Variants in ANK2 observed in about 807,000 individuals in gnomAD.
ANK2 encodes the protein ankyrin 2.
Under a neutral mutation model 360.5 loss-of-function variants are expected in ANK2, and 83 were observed. The observed-to-expected ratio is 0.23, with a 90% CI of 0.19 to 0.28. The LOEUF is 0.28. Among genes scored for constraint, ANK2 ranks in the 10% least tolerant of loss-of-function variants. ANK2 has a pLI of 1.00. For missense variants in ANK2, 4,201 were observed against 4,795.7 expected, an observed-to-expected ratio of 0.88 and a Z score of 3.66; for synonymous variants, 1,740 against 1,759.5, an observed-to-expected ratio of 0.99 and a Z score of 0.28.
intron 21 of ANK2, chr4:113,293,226 G>A (rs1439111259): frequency 4.4e-6 from 3 of 680,752 alleles, no homozygotes; most frequent in Non-Finnish European, 8.1e-6. Context: ...GCAAGCAGAT[G>A]CAAGCTTGTT....
At chr4:113,075,513 C>T (rs1200641405) in intron 1 of ANK2, among the ~76,000 whole-genome samples, 1 of 152,142 alleles carries the variant, frequency 6.6e-6, no homozygotes, top group Non-Finnish European at 1.5e-5. Flanking sequence ...TCCTGTGCCT[C>T]TGCCATCTCA....
the ANK2 span, among the ~76,000 whole-genome samples, chr4:112,808,466 A>G: frequency 6.6e-6 from 1 of 152,254 alleles, no homozygotes; most frequent in African/African-American, 2.4e-5. Context: ...TAAAGAAAGC[A>G]AATTATGATA....
Position 113,293,463 on chromosome 4 carries a change from T to C in ANK2, c.2400T>C (p.Ile800=). 6.2e-7 allele frequency: 1 copy of C among 1,613,820 alleles called. No homozygotes were observed. Among genetic ancestry groups the C allele is most frequent in the Non-Finnish European group, 8.5e-7 (1 of 1,180,004 alleles). ...TTANGNTALA[I]AKRLGYISVV... ...AGAATGGCAACACTGCCTTGGCGAT[T>C]GCTAAGCGTCTGGGCTACATCTCCG... The change falls in exon 22 of 46, where the codon ATT becomes ATC. Residue 800 remains isoleucine, a synonymous_variant. Coordinates refer to ENST00000357077, the MANE Select transcript of ANK2 (RefSeq NM_001148.6).
At chr4:112,832,283 C>T (rs959282527) in intron 1 of ANK2, among the ~76,000 whole-genome samples, 11 of 152,184 alleles carry the variant, frequency 7.2e-5, no homozygotes, top group Admixed American at 2.0e-4. Flanking sequence ...TAAATCCTGG[C>T]CTCAAGTGAT....
At chr4:112,751,331 T>C in the ANK2 span, among the ~76,000 whole-genome samples, 25 of 152,144 alleles carry the variant, frequency 1.6e-4, no homozygotes, top group Non-Finnish European at 3.5e-4. Flanking sequence ...TAAAATATAG[T>C]AGCACAGTTA....
At chr4:112,819,419 T>A (rs982359672) in intron 1 of ANK2, among the ~76,000 whole-genome samples, 4 of 152,214 alleles carry the variant, frequency 2.6e-5, no homozygotes, top group African/African-American at 9.7e-5. Flanking sequence ...CCAGAGACTT[T>A]GGGGCCAAAC....
chr4:113,214,654 A>G (rs907513975), intron 4 of ANK2, among the ~76,000 whole-genome samples: 3 of 152,152 alleles, frequency 2.0e-5, no homozygotes, highest in Non-Finnish European at 4.4e-5. Context: ...TAAGAGTATT[A>G]AGCAGCAAGT....
chr4:113,143,179 G>A (rs530847807), intron 1 of ANK2, among the ~76,000 whole-genome samples: 4 of 152,288 alleles, frequency 2.6e-5, no homozygotes, highest in African/African-American at 9.6e-5. Context: ...CTTGTAAAGA[G>A]CGAGAGCTGA....
chr4:113,012,411 G>GATA (rs2055066929), intron 2 of ANK2, among the ~76,000 whole-genome samples: 1 of 152,132 alleles, frequency 6.6e-6, no homozygotes, highest in Non-Finnish European at 1.5e-5. Context: ...GAATGCGATA[G>GATA]GTCTTTCCTT....
At chr4:112,825,939 C>T (rs931268240) in intron 1 of ANK2, among the ~76,000 whole-genome samples, 2 of 152,144 alleles carry the variant, frequency 1.3e-5, no homozygotes, top group African/African-American at 4.8e-5. Flanking sequence ...GGCACCTCTC[C>T]ATGAGAGCCT....
At position 113,269,951 on chromosome 4, in the gene ANK2, T is replaced by C. The variant is rs534445636; in HGVS notation, c.1486-4501T>C. Among the ~76,000 whole-genome samples the C allele has an allele frequency of 1.3e-3, 198 of 152,356 alleles. 1 individual carries two copies. The highest frequency in any genetic ancestry group is 4.6e-3 in the African/African-American group (191 of 41,586). The stretch of plus-strand genomic sequence containing the variant: ...GGTTTTCATCTGCCTTTCTGTGCAT[T>C]GTCCACATAGTGTAATTTATGTTCT... On this transcript the variant is annotated intron_variant, in intron 14 of 45. Transcript: ENST00000357077.
At chr4:112,967,034 G>A (rs2037558497) in intron 2 of ANK2, among the ~76,000 whole-genome samples, 1 of 152,114 alleles carries the variant, frequency 6.6e-6, no homozygotes. Flanking sequence ...CAGAGTAGTA[G>A]GAGAAAATAT....
At chr4:113,006,450 G>A (rs72894494) in intron 2 of ANK2, among the ~76,000 whole-genome samples, 1,862 of 152,248 alleles carry the variant, frequency 0.012, 35 homozygotes, top group African/African-American at 0.042. Flanking sequence ...ACAAGAGCAG[G>A]ACAAGTTTAA....
chr4:112,740,169 G>A, the ANK2 span, among the ~76,000 whole-genome samples: 5 of 151,910 alleles, frequency 3.3e-5, 1 homozygote, highest in South Asian at 1.0e-3. Context: ...AAGAGGAAAA[G>A]CAGAGGAAAA....
intron 1 of ANK2, among the ~76,000 whole-genome samples, chr4:112,889,790 C>A (rs73840923): frequency 6.6e-6 from 1 of 151,994 alleles, no homozygotes; most frequent in Non-Finnish European, 1.5e-5. Context: ...TAGGGAGTTG[C>A]GTGAGTTATG....
intron 2 of ANK2, among the ~76,000 whole-genome samples, chr4:112,977,533 T>A (rs1187393309): frequency 6.6e-6 from 1 of 151,558 alleles, no homozygotes; most frequent in Non-Finnish European, 1.5e-5. Context: ...TAACCATGAA[T>A]AAATAAATTA....
intron 2 of ANK2, among the ~76,000 whole-genome samples, chr4:112,920,048 A>G (rs2091050952): frequency 6.6e-6 from 1 of 152,114 alleles, no homozygotes; most frequent in Non-Finnish European, 1.5e-5. Flanking sequence ...ATTTGGTCCA[A>G]TGATATTATT....
At chr4:113,056,346 C>G (rs549961756) in intron 1 of ANK2, among the ~76,000 whole-genome samples, 1 of 152,218 alleles carries the variant, frequency 6.6e-6, no homozygotes, top group Admixed American at 6.5e-5. Flanking sequence ...CTTTTTCCTT[C>G]TTGATAAAGT....
At chr4:113,139,310 C>T (rs572414007) in intron 1 of ANK2, among the ~76,000 whole-genome samples, 1 of 152,334 alleles carries the variant, frequency 6.6e-6, no homozygotes, top group South Asian at 2.1e-4. Context: ...TAACTGAGTA[C>T]TTTTCAGATT....
Sources: gnomAD v4.1 joint callset for allele counts (sites outside exome capture counted in the v4.1 genomes callset) on GRCh38, gnomAD v4.1.1 for gene constraint, MANE v1.5 for transcripts, NCBI Gene and HGNC (gene_info 2026-07-23, HGNC 2026-07-21) for gene names.